POC5: variants seen among roughly 807,000 people sequenced by gnomAD.
POC5 encodes the protein POC5 centriolar protein, also known as centrosomal protein POC5.
A neutral mutation model predicts 62.9 loss-of-function variants in POC5; 48 were observed. That is an observed-to-expected ratio of 0.76 (90% confidence interval 0.61 to 0.97). POC5 has a LOEUF of 0.97. Ranked by LOEUF, POC5 falls within the 50% of genes least tolerant of loss-of-function variation. POC5 has a pLI of 0.00. For synonymous variants in POC5, 236 were observed against 228.2 expected, an observed-to-expected ratio of 1.03 and a Z score of -0.31; for missense variants, 696 against 679.5, an observed-to-expected ratio of 1.02 and a Z score of -0.27.
In POC5 at chr5:75,689,056, A is replaced by G; in HGVS notation, c.1085T>C (p.Leu362Ser). ...KKAFMRGVCA[L>S]NLEAMTIFQN... ...AAATATAGTCATGGCTTCAAGATTTAATGCACATACACCCCTCATGAAAGC... is the reference window on the plus strand; with the variant it reads ...AAATATAGTCATGGCTTCAAGATTTGATGCACATACACCCCTCATGAAAGC... Residue 362 changes from leucine (L) to serine (S), a missense_variant, in exon 9 of 12, where the codon TTA (leucine) becomes TCA (serine). By Grantham distance (145) the Leu-to-Ser change is moderately radical. Coordinates refer to ENST00000428202, the MANE Select transcript of POC5 (RefSeq NM_001099271.2). 1 of 1,598,772 alleles carries G rather than the reference A, an allele frequency of 6.3e-7. No individual in the cohort carries two copies. Among genetic ancestry groups the G allele is most frequent in the Non-Finnish European group, 8.5e-7 (1 of 1,173,368 alleles).
At chr5:75,692,586 G>A in intron 6 of POC5, 86 bp from the exon 7 acceptor site, 1 of 899,302 alleles carries the variant, frequency 1.1e-6, no homozygotes, top group Non-Finnish European at 1.7e-6. Context: ...AAAAATGCTA[G>A]AGAGGATAGG....
chr5:75,677,778 G>A lies in POC5; in HGVS notation c.1580C>T (p.Thr527Ile), dbSNP rs560578639. ...GGTCATCAAATGTGGACTCACCACTGTGACTGGATGATGTTTTTCCACAAC... is the reference window on the plus strand; with the variant it reads ...GGTCATCAAATGTGGACTCACCACTATGACTGGATGATGTTTTTCCACAAC... Reference protein sequence around the residue: ...SVVVEKHHPVTVQTIPQATAA... With the variant: ...SVVVEKHHPVIVQTIPQATAA... Residue 527 changes from threonine (T) to isoleucine (I), a missense_variant, in exon 11 of 12, where the codon ACA becomes ATA. Coordinates refer to ENST00000428202, the MANE Select transcript of POC5 (RefSeq NM_001099271.2). The A allele has an allele frequency of 1.1e-5, 17 of 1,603,760 alleles. No individual in the cohort carries two copies. The highest frequency in any genetic ancestry group is 3.4e-5 in the Admixed American group (2 of 58,574).
At chr5:75,712,517 T>C in intron 2 of POC5, 1 of 1,429,888 alleles carries the variant, frequency 7.0e-7, no homozygotes, top group Non-Finnish European at 9.7e-7. Flanking sequence ...ATTGTATTAA[T>C]TTGCATTAAA....
At chr5:75,691,119 C>T (rs1776315450) in intron 7 of POC5, among the ~76,000 whole-genome samples, 1 of 152,158 alleles carries the variant, frequency 6.6e-6, no homozygotes, top group South Asian at 2.1e-4. Flanking sequence ...AGTTCCAATT[C>T]TCAATTTCTT....
At chr5:75,697,269 T>A (rs1038732254) in intron 5 of POC5, among the ~76,000 whole-genome samples, 2 of 150,788 alleles carry the variant, frequency 1.3e-5, no homozygotes, top group African/African-American at 4.9e-5. Context: ...TTCGCCAAAG[T>A]TGAAATGAAG....
chr5:75,677,741 T>C, intron 11 of POC5, 33 bp downstream of exon 11: 1 of 1,510,456 alleles, frequency 6.6e-7, no homozygotes, highest in Admixed American at 2.1e-5. Context: ...GGAAAAAGAC[T>C]TTTTGACAAA....
chr5:75,684,198 T>C lies in POC5; in HGVS notation c.1407+1009A>G, dbSNP rs559025378. On this transcript the variant is annotated intron_variant, in intron 10 of 11. Transcript: ENST00000428202. ...AAGATGGAGTTACTACAGAGCAGTG[T>C]TAGTGATATATCTGCATTTAGGAAA... Among the ~76,000 whole-genome samples the C allele has an allele frequency of 2.0e-5, 3 of 152,264 alleles. No individual in the cohort carries two copies. In the South Asian group the frequency reaches 6.2e-4, roughly 32 times the overall value.
At position 75,696,378 on chromosome 5, in the gene POC5, C is replaced by A. The variant is rs899689326; in HGVS notation, c.514-1547G>T. ...CAGCTGGAGATCTGAGAACGGGCAG[C>A]CTGCCTCAAGTGGGTCCCTGACCCC... is the stretch of plus-strand genomic sequence containing the variant. On this transcript the variant is annotated intron_variant, in intron 5 of 11. Coordinates refer to ENST00000428202, the MANE Select transcript of POC5 (RefSeq NM_001099271.2). Among the ~76,000 whole-genome samples, 115 of 152,302 alleles carry A rather than the reference C, an allele frequency of 7.6e-4. No homozygotes were observed. In the East Asian group the frequency reaches 0.012, roughly 16 times the overall value.
chr5:75,676,898 T>A (rs1486573826), intron 11 of POC5, among the ~76,000 whole-genome samples: 1 of 152,072 alleles, frequency 6.6e-6, no homozygotes, highest in African/African-American at 2.4e-5. Context: ...AGGGATGTTC[T>A]TATCACTCTT....
intron 4 of POC5, among the ~76,000 whole-genome samples, chr5:75,703,883 C>T (rs773617383): frequency 5.3e-5 from 8 of 151,914 alleles, no homozygotes; most frequent in Non-Finnish European, 8.8e-5. Context: ...AGGCTGGGCA[C>T]GGTGGCTCAT....
At chr5:75,695,510 T>C in intron 5 of POC5, among the ~76,000 whole-genome samples, 1 of 152,208 alleles carries the variant, frequency 6.6e-6, no homozygotes, top group East Asian at 1.9e-4. Flanking sequence ...GAATTATTTC[T>C]AGAATTTAAG....
chr5:75,683,531 CT>C lies in POC5; in HGVS notation c.1407+1675del, dbSNP rs1012063343. Among the ~76,000 whole-genome samples, 3 of 152,172 alleles carry C rather than the reference CT, an allele frequency of 2.0e-5. No individual in the cohort carries two copies. In the South Asian group the frequency reaches 6.2e-4, roughly 32 times the overall value. On this transcript the variant is annotated intron_variant, in intron 10 of 11. Transcript: ENST00000428202. Reference sequence around the variant, plus strand: ...TACAGGCATGAGCCGCCGCGCATGGCTTTTTTTAAACTGACTAACTAATCAC... The same window carrying C: ...TACAGGCATGAGCCGCCGCGCATGGCTTTTTTAAACTGACTAACTAATCAC...
At chr5:75,674,633 T>A in intron 11 of POC5, 55 bp from the exon 12 acceptor site, 2 of 1,547,332 alleles carry the variant, frequency 1.3e-6, no homozygotes, top group Non-Finnish European at 1.8e-6. Context: ...ATACTATGTA[T>A]CATTTCATCA....
intron 10 of POC5, among the ~76,000 whole-genome samples, chr5:75,682,626 C>T (rs1775911912): frequency 1.3e-5 from 2 of 149,546 alleles, no homozygotes; most frequent in Non-Finnish European, 3.0e-5. Context: ...AGTGATTCTT[C>T]CACCTCGGCC....
intron 5 of POC5, among the ~76,000 whole-genome samples, chr5:75,696,418 C>T (rs144487569): frequency 0.24 from 37,135 of 152,040 alleles, 4,737 homozygotes; most frequent in South Asian, 0.32. Context: ...CTCCGAGCAG[C>T]CTAACTGGGA....
chr5:75,684,958 A>C (rs1288788801), intron 10 of POC5, among the ~76,000 whole-genome samples: 5 of 149,476 alleles, frequency 3.3e-5, no homozygotes, highest in Non-Finnish European at 7.4e-5. Context: ...AGCTCTGTCT[A>C]CAGGGTTCAC....
rs753208187 is a variant in POC5 at position 75,702,754 on chromosome 5, T to C, written c.364A>G (p.Ser122Gly). 1.3e-6 allele frequency: 2 copies of C among 1,599,248 alleles called. No homozygotes were observed. The highest frequency in any genetic ancestry group is 1.7e-6 in the Non-Finnish European group (2 of 1,172,236). ...GAAGAGTCAGCTAAAAGATGTGAAC[T>C]GAAAAAATCCATGACTGGGTGAGAA... The part of the protein sequence containing the change: ...KPSHPVMDFF[S>G]SHLLADSSSP... The change falls in exon 5 of 12, where the codon AGT becomes GGT. Residue 122 changes from serine to glycine, a missense_variant. Transcript: ENST00000428202.
chr5:75,690,194 T>C (rs1776267817), intron 8 of POC5, among the ~76,000 whole-genome samples, 189 bp downstream of exon 8: 2 of 152,234 alleles, frequency 1.3e-5, no homozygotes, highest in African/African-American at 4.8e-5. Flanking sequence ...TTTCAATTTC[T>C]ATACAACTCC....
chr5:75,696,271 A>C (rs1776581513), intron 5 of POC5, among the ~76,000 whole-genome samples: 2 of 152,164 alleles, frequency 1.3e-5, no homozygotes, highest in Non-Finnish European at 2.9e-5. Flanking sequence ...GGCACAGACA[A>C]ACAAAAAGAC....
Sources: gnomAD v4.1 joint callset for allele counts (sites outside exome capture counted in the v4.1 genomes callset) on GRCh38, gnomAD v4.1.1 for gene constraint, MANE v1.5 for transcripts, NCBI Gene and HGNC (gene_info 2026-07-23, HGNC 2026-07-21) for gene names.